ZNF469: variants seen among roughly 807,000 people sequenced by gnomAD.
ZNF469 encodes the protein zinc finger protein 469.
A neutral mutation model predicts 1.0 loss-of-function variants in ZNF469; 1 was observed. That is an observed-to-expected ratio of 1.00 (90% confidence interval 0.35 to 4.73). ZNF469 has a LOEUF of 4.73. Ranked by LOEUF, ZNF469 falls within the 30% of genes most tolerant of loss-of-function variation. ZNF469 has a pLI of 0.16. For missense variants in ZNF469, 6,100 were observed against 5,356.3 expected, an observed-to-expected ratio of 1.14 and a Z score of -4.33; for synonymous variants, 2,703 against 2,363.4, an observed-to-expected ratio of 1.14 and a Z score of -4.17.
the ZNF469 span, among the ~76,000 whole-genome samples, chr16:88,327,452 A>G: frequency 1.3e-5 from 2 of 152,178 alleles, no homozygotes; most frequent in African/African-American, 4.8e-5. Context: ...GCCCCATCCC[A>G]GGGCGTAAGC....
chr16:88,244,603 G>A, the ZNF469 span, among the ~76,000 whole-genome samples: 2 of 151,744 alleles, frequency 1.3e-5, no homozygotes, highest in Non-Finnish European at 2.9e-5. Context: ...ATGTGTGGGT[G>A]TCTAGGCAGA....
chr16:88,132,085 C>T, the ZNF469 span, among the ~76,000 whole-genome samples: 7 of 152,226 alleles, frequency 4.6e-5, no homozygotes, highest in South Asian at 2.1e-4. Flanking sequence ...TCCGATGCTT[C>T]GTGGCCACTC....
the ZNF469 span, among the ~76,000 whole-genome samples, chr16:88,259,263 C>A: frequency 1.4e-5 from 2 of 147,996 alleles, no homozygotes; most frequent in Admixed American, 6.7e-5. The surrounding 1 kb of genome is among the most constrained non-coding windows in gnomAD (Gnocchi z 4.1). Flanking sequence ...CCCGCCCCCC[C>A]GAAGCGGGCC....
the ZNF469 span, among the ~76,000 whole-genome samples, chr16:88,220,400 T>A: frequency 6.6e-6 from 1 of 152,306 alleles, no homozygotes; most frequent in South Asian, 2.1e-4. Context: ...GATTTGTGGA[T>A]GATTTGCTGG....
chr16:88,282,990 C>T, the ZNF469 span, among the ~76,000 whole-genome samples: 29 of 152,308 alleles, frequency 1.9e-4, no homozygotes, highest in African/African-American at 7.0e-4. Flanking sequence ...CAGGAGGACC[C>T]CAGCGATTCC....
At chr16:88,302,113 C>G in the ZNF469 span, among the ~76,000 whole-genome samples, 2 of 152,290 alleles carry the variant, frequency 1.3e-5, no homozygotes, top group East Asian at 3.9e-4. Flanking sequence ...GCTGGGCTCT[C>G]GGTCAGGACA....
chr16:88,198,145 C>G, the ZNF469 span, among the ~76,000 whole-genome samples: 1,218 of 152,360 alleles, frequency 8.0e-3, 10 homozygotes, highest in Non-Finnish European at 0.012. Flanking sequence ...GGGCTGAGGA[C>G]AGAGCCCTTT....
rs1183546341 is a variant in ZNF469 at position 88,433,223 on chromosome 16, G to C, written c.5753G>C (p.Gly1918Ala). The change falls in exon 3 of 3, where the codon GGC becomes GCC. Residue 1918 changes from glycine (G) to alanine (A), a missense_variant. Coordinates refer to ENST00000565624, the MANE Select transcript of ZNF469 (RefSeq NM_001367624.2). ...PGPGVAKSKD[G>A]ILGLQELTPA... ...CCTGGAGTGGCTAAGAGTAAAGATG[G>C]CATCCTGGGCTTGCAGGAGCTGACA... is the stretch of plus-strand genomic sequence containing the variant. The C allele has an allele frequency of 2.6e-6, 4 of 1,550,204 alleles. No individual in the cohort carries two copies. Among genetic ancestry groups the C allele is most frequent in the Non-Finnish European group, 3.5e-6 (4 of 1,146,956 alleles).
At chr16:88,390,043 C>A (rs531211902) in intron 1 of ZNF469, among the ~76,000 whole-genome samples, 1 of 152,312 alleles carries the variant, frequency 6.6e-6, no homozygotes, top group East Asian at 1.9e-4. Context: ...CCCAAGGGAC[C>A]CACAGCTTTT....
the ZNF469 span, among the ~76,000 whole-genome samples, chr16:88,272,023 T>C: frequency 6.6e-6 from 1 of 151,638 alleles, no homozygotes; most frequent in Admixed American, 6.6e-5. Context: ...CGGATGGATT[T>C]ATGAGTGGGT....
Position 88,436,234 on chromosome 16 carries a change from C to T in ZNF469, c.8764C>T (p.His2922Tyr). The change falls in exon 3 of 3, where the codon CAT (histidine) becomes TAT (tyrosine). Residue 2922 changes from histidine (H) to tyrosine (Y), a missense_variant. Transcript: ENST00000565624. ...LSDSSSLCLCHEDPWEDEDPA... is the reference protein window; with the variant it reads ...LSDSSSLCLCYEDPWEDEDPA... ...CGACTCCAGCTCCCTCTGCCTCTGC[C>T]ATGAGGACCCGTGGGAGGACGAGGA... 1 of 1,549,454 alleles carries T rather than the reference C, an allele frequency of 6.5e-7. No individual in the cohort carries two copies. Among genetic ancestry groups the T allele is most frequent in the African/African-American group, 1.4e-5 (1 of 73,174 alleles).
chr16:88,206,548 G>A, the ZNF469 span, among the ~76,000 whole-genome samples: 1 of 151,992 alleles, frequency 6.6e-6, no homozygotes, highest in Non-Finnish European at 1.5e-5. Context: ...TACCACAATC[G>A]TGTTCTTTAT....
At chr16:88,252,502 G>A in the ZNF469 span, among the ~76,000 whole-genome samples, 27 of 151,280 alleles carry the variant, frequency 1.8e-4, no homozygotes, top group Admixed American at 1.4e-3. Flanking sequence ...GCTTCTCTTG[G>A]CTTCTCATCT....
At chr16:88,296,624 GCA>G in the ZNF469 span, among the ~76,000 whole-genome samples, 9 of 151,686 alleles carry the variant, frequency 5.9e-5, no homozygotes, top group African/African-American at 2.2e-4. Flanking sequence ...TCACACTCAT[GCA>G]CACTCACATA....
chr16:88,398,468 C>T (rs1195942571), intron 1 of ZNF469, among the ~76,000 whole-genome samples: 4 of 151,062 alleles, frequency 2.6e-5, no homozygotes, highest in Middle Eastern at 3.5e-3. Flanking sequence ...AAGGGGGACC[C>T]GTGAGCCACG....
chr16:88,239,695 ATATATATATATATATATATATTTTTT>A, the ZNF469 span, among the ~76,000 whole-genome samples: 59 of 5,720 alleles, frequency 0.01, 2 homozygotes, highest in African/African-American at 0.033. Flanking sequence ...ATATATATAT[ATATATATATATATATATATATTTTTT>A]TTTTTTTTTT....
the ZNF469 span, among the ~76,000 whole-genome samples, chr16:88,318,377 G>T: frequency 6.6e-6 from 1 of 151,894 alleles, no homozygotes; most frequent in East Asian, 1.9e-4. Context: ...TCCTCTCCAT[G>T]CTCTGTGCCC....
the ZNF469 span, among the ~76,000 whole-genome samples, chr16:88,186,226 G>C: frequency 6.6e-6 from 1 of 152,246 alleles, no homozygotes; most frequent in Non-Finnish European, 1.5e-5. Flanking sequence ...TCCAAAGCCA[G>C]TCCTTCACGT....
chr16:88,269,390 C>T, the ZNF469 span, among the ~76,000 whole-genome samples: 2 of 152,172 alleles, frequency 1.3e-5, no homozygotes, highest in Non-Finnish European at 2.9e-5. Context: ...CCCTGGCGGC[C>T]GGGCCTGTGG....
Sources: gnomAD v4.1 joint callset for allele counts (sites outside exome capture counted in the v4.1 genomes callset) on GRCh38, gnomAD v4.1.1 for gene constraint, Gnocchi (gnomAD v3.1) non-coding constraint, MANE v1.5 for transcripts, NCBI Gene and HGNC (gene_info 2026-07-23, HGNC 2026-07-21) for gene names.